The following IPO7 variants were observed in gnomAD, a reference collection of about 807,000 sequenced individuals.
IPO7 encodes importin 7.
Under a neutral mutation model 136.4 loss-of-function variants are expected in IPO7, and 13 were observed. The ratio of observed to expected loss-of-function variants is 0.10; its 90% CI spans 0.06 to 0.15. The LOEUF (loss-of-function observed/expected upper bound fraction) is 0.15, where lower values mean the gene tolerates loss of function less well. Ranked by LOEUF, IPO7 falls within the 10% of genes least tolerant of loss-of-function variation. The pLI is 1.00. For synonymous variants in IPO7, 403 were observed against 404.4 expected (o/e 1.00, Z 0.04); for missense variants, 857 against 1,240.6 (o/e 0.69, Z 4.65).
rs1855444813 is a variant in IPO7 at position 9,440,340 on chromosome 11, C to G, written c.2696-115C>G. On this transcript the variant is annotated intron_variant, in intron 22 of 24. Transcript: ENST00000379719. ...TGTATTTAAACACCAATTCCTGGAG[C>G]TCTCTCTTGTCACTTGTGACTTGTA... The G allele has an allele frequency of 7.4e-6, 6 of 807,488 alleles. No individual in the cohort carries two copies. The South Asian group carries it at 9.6e-5, about 13-fold the overall frequency. 50.0% of individuals were successfully genotyped at this position (807,488 alleles called of 1,614,324 possible).
intron 4 of IPO7, among the ~76,000 whole-genome samples, chr11:9,412,137 C>T (rs1399153271): frequency 6.6e-6 from 1 of 152,136 alleles, no homozygotes; most frequent in Non-Finnish European, 1.5e-5. Flanking sequence ...AATTTGTTAG[C>T]ACTTTAAAGT....
In IPO7 at chr11:9,426,536, C is replaced by T. The variant is rs570047222; in HGVS notation, c.1335+1274C>T. Reference sequence around the variant, plus strand: ...GGTATATACCTAGGAGTATGAATTGCTTGTCATAATTTGAGACACCGCAGA... The same window carrying T: ...GGTATATACCTAGGAGTATGAATTGTTTGTCATAATTTGAGACACCGCAGA... On this transcript the variant is annotated intron_variant, in intron 12 of 24. Coordinates refer to ENST00000379719, the MANE Select transcript of IPO7 (RefSeq NM_006391.3). Among the ~76,000 whole-genome samples the T allele has an allele frequency of 2.8e-4, 43 of 152,146 alleles. No individual in the cohort carries two copies. The East Asian group carries it at 8.3e-3, about 29-fold the overall frequency.
intron 22 of IPO7, among the ~76,000 whole-genome samples, chr11:9,438,539 C>T (rs1855415481): frequency 6.6e-6 from 1 of 151,964 alleles, no homozygotes; most frequent in African/African-American, 2.4e-5. Context: ...GCAGGAGAAT[C>T]GCTTGAACCC....
Position 9,437,904 on chromosome 11 carries a change from C to A in IPO7, c.2419C>A (p.Pro807Thr), listed in dbSNP as rs766441004. The A allele has an allele frequency of 1.9e-6, 3 of 1,613,810 alleles. No homozygotes were observed. Among genetic ancestry groups the A allele is most frequent in the Non-Finnish European group, 2.5e-6 (3 of 1,179,846 alleles). Residue 807 changes from proline to threonine, a missense_variant, in exon 21 of 25, where the codon CCT becomes ACT. By Grantham distance (38) the Pro-to-Thr change is conservative. This residue lies in a region of IPO7 where 190 missense variants were observed against 249.0 expected (regional missense o/e 0.76). Transcript: ENST00000379719. ...CAATACCTTAGAAAATCTTCGCTTC[C>A]CTAATAATGTTGAACCAGTTACAAA... ...LLNTLENLRFPNNVEPVTNHF... is the reference protein window; with the variant it reads ...LLNTLENLRFTNNVEPVTNHF...
At chr11:9,426,908 C>CA (rs1855217301) in intron 12 of IPO7, among the ~76,000 whole-genome samples, 1 of 103,626 alleles carries the variant, frequency 9.7e-6, no homozygotes, top group African/African-American at 2.9e-5. Context: ...TCCGCCTCCC[C>CA]GCCCCCCCGC....
In IPO7 at chr11:9,442,124, C is replaced by G; in HGVS notation, c.2946C>G (p.His982Gln). 1 of 1,607,638 alleles carries G rather than the reference C, an allele frequency of 6.2e-7. No individual in the cohort carries two copies. Among genetic ancestry groups the G allele is most frequent in the Non-Finnish European group, 8.5e-7 (1 of 1,174,338 alleles). ...CTGTGTGGTATCAGGCACTGACTCA[C>G]GGTCTTAATGAAGAACAAAGAAAAC... ...RNPVWYQALT[H>Q]GLNEEQRKQL... The change falls in exon 24 of 25, where the codon CAC becomes CAG. Residue 982 changes from histidine (H) to glutamine (Q), a missense_variant. By Grantham distance (24) the His-to-Gln change is conservative. This residue lies in a region of IPO7 where 119 missense variants were observed against 155.5 expected (regional missense o/e 0.77). Coordinates refer to ENST00000379719, the MANE Select transcript of IPO7 (RefSeq NM_006391.3).
At chr11:9,408,704 GTTTTTTTT>G (rs377057603) in intron 3 of IPO7, 65 bp downstream of exon 3, 38 of 173,314 alleles carry the variant, frequency 2.2e-4, no homozygotes, top group Non-Finnish European at 3.0e-4. Flanking sequence ...TTGTTTTTTG[GTTTTTTTT>G]TTTTTTTTTT....
chr11:9,401,544 C>T (rs982500722), intron 1 of IPO7, among the ~76,000 whole-genome samples: 1 of 102,890 alleles, frequency 9.7e-6, no homozygotes, highest in Admixed American at 1.1e-4. Context: ...ACAATGGCAA[C>T]AAAGCAAACA....
chr11:9,431,315 C>T (rs1215027167), intron 16 of IPO7, among the ~76,000 whole-genome samples: 1 of 152,054 alleles, frequency 6.6e-6, no homozygotes, highest in Admixed American at 6.6e-5. Context: ...TGGTTATACA[C>T]ATAGCATAAA....
intron 5 of IPO7, among the ~76,000 whole-genome samples, chr11:9,414,928 A>G (rs1481579916): frequency 6.6e-6 from 1 of 151,932 alleles, no homozygotes; most frequent in Non-Finnish European, 1.5e-5. Context: ...TTGGCCCCTA[A>G]TAAATATTAA....
At chr11:9,431,833 G>C (rs1194176905) in intron 16 of IPO7, among the ~76,000 whole-genome samples, 1 of 151,998 alleles carries the variant, frequency 6.6e-6, no homozygotes, top group Non-Finnish European at 1.5e-5. Context: ...AAATTAGCTG[G>C]GCATGGTGGC....
In IPO7 at chr11:9,446,498, A is replaced by G. The variant is rs1009726226; in HGVS notation, c.*1304A>G. 2 of 152,198 alleles carry G rather than the reference A, an allele frequency of 1.3e-5. No homozygotes were observed. Among genetic ancestry groups the G allele is most frequent in the Non-Finnish European group, 2.9e-5 (2 of 68,050 alleles). The allele number at this position is 152,198 out of a possible 1,614,324, so 9.4% of individuals were successfully genotyped here. A position where few individuals can be genotyped will look rare whatever the true frequency, so the allele number is the denominator to read the frequency against. On this transcript the variant is annotated 3_prime_UTR_variant, in exon 25 of 25. Coordinates refer to ENST00000379719, the MANE Select transcript of IPO7 (RefSeq NM_006391.3). ...AAGCCAGCAAAAAGATACTGTAGAG[A>G]GGTTGGCTTGCTTCCCTCTCTTCCT...
chr11:9,440,763 T>A, intron 23 of IPO7, 102 bp downstream of exon 23: 1 of 939,326 alleles, frequency 1.1e-6, no homozygotes, highest in Non-Finnish European at 1.7e-6. Flanking sequence ...AAACCCAGAC[T>A]AGAAAAGGCT....
intron 6 of IPO7, among the ~76,000 whole-genome samples, chr11:9,418,375 A>C (rs1855073350): frequency 6.6e-6 from 1 of 151,972 alleles, no homozygotes. Flanking sequence ...AGCCTATTTT[A>C]CAGTGTGTTT....
chr11:9,400,148 T>TA (rs1377369219), intron 1 of IPO7, among the ~76,000 whole-genome samples: 1 of 152,230 alleles, frequency 6.6e-6, no homozygotes, highest in East Asian at 1.9e-4. Flanking sequence ...TTGCTGTACT[T>TA]ATATTAAGTA....
intron 3 of IPO7, 49 bp downstream of exon 3, chr11:9,408,688 G>T: frequency 1.8e-6 from 2 of 1,102,928 alleles, no homozygotes; most frequent in Non-Finnish European, 2.4e-6. Context: ...TAACTTTCAG[G>T]GTTTTTTGTT....
intron 8 of IPO7, among the ~76,000 whole-genome samples, chr11:9,422,539 T>G (rs1184722229): frequency 6.6e-6 from 1 of 152,160 alleles, no homozygotes; most frequent in Non-Finnish European, 1.5e-5. Flanking sequence ...AAACATGAAG[T>G]AGAGTTAGAA....
intron 3 of IPO7, among the ~76,000 whole-genome samples, 169 bp from the exon 4 acceptor site, chr11:9,409,759 T>A (rs1223589170): frequency 6.6e-6 from 1 of 152,218 alleles, no homozygotes; most frequent in Non-Finnish European, 1.5e-5. Context: ...ATTTGCTGGT[T>A]TTCGTTTGCT....
In IPO7 at chr11:9,415,295, C is replaced by G. The variant is rs552643713; in HGVS notation, c.636+884C>G. On this transcript the variant is annotated intron_variant, in intron 5 of 24. Coordinates refer to ENST00000379719, the MANE Select transcript of IPO7 (RefSeq NM_006391.3). ...CAAGATCACACCATTGCACTCCAGC[C>G]TGGGCAACAAGAGCAAAACTCTGTC... is the stretch of plus-strand genomic sequence containing the variant. 6.1e-4 allele frequency among the ~76,000 whole-genome samples: 93 copies of G among 151,450 alleles called. 1 individual carries two copies. The highest frequency in any genetic ancestry group is 1.1e-3 in the Non-Finnish European group (74 of 67,916).
Sources: gnomAD v4.1 joint callset for allele counts (sites outside exome capture counted in the v4.1 genomes callset) on GRCh38, gnomAD v4.1.1 for gene constraint, gnomAD v4.1.1 regional missense constraint, MANE v1.5 for transcripts, NCBI Gene and HGNC (gene_info 2026-07-23, HGNC 2026-07-21) for gene names.